NSF: variants seen among roughly 807,000 people sequenced by gnomAD.
The protein encoded by NSF is N-ethylmaleimide sensitive factor, vesicle fusing ATPase, also known as vesicle-fusing ATPase.
In NSF, 14 loss-of-function variants were observed where a neutral mutation model predicts 50.3. The observed-to-expected ratio is 0.28, with a 90% CI of 0.18 to 0.44. The LOEUF is 0.44. Among genes scored for constraint, NSF ranks in the 20% least tolerant of loss-of-function variants. NSF has a pLI of 1.00. For missense variants in NSF, 218 were observed against 504.3 expected (o/e 0.43, Z 5.44); for synonymous variants, 109 against 175.7 (o/e 0.62, Z 3.00).
Position 46,722,233 on chromosome 17 carries a change from C to G in NSF, c.1762-4316C>G, listed in dbSNP as rs2058838843. The G allele has an allele frequency of 8.7e-6, 11 of 1,268,570 alleles. No homozygotes were observed. In the South Asian group the frequency reaches 1.2e-4, roughly 14 times the overall value. 78.6% of individuals were successfully genotyped at this position (1,268,570 alleles called of 1,614,324 possible). The stretch of plus-strand genomic sequence containing the variant: ...AGACCCAAATCTCGCGAGAGCACGT[C>G]AAAATCCCTACATTCTTAAGATTAA... On this transcript the variant is annotated intron_variant, in intron 15 of 20. Transcript: ENST00000398238.
chr17:46,752,971 G>T (rs2059196319), intron 19 of NSF, among the ~76,000 whole-genome samples: 2 of 152,128 alleles, frequency 1.3e-5, no homozygotes, highest in South Asian at 4.1e-4. Context: ...GTTTCACCAT[G>T]TTGGCCAAGC....
chr17:46,725,155 C>G (rs2058874895), intron 15 of NSF, among the ~76,000 whole-genome samples: 1 of 152,006 alleles, frequency 6.6e-6, no homozygotes, highest in Non-Finnish European at 1.5e-5. Flanking sequence ...AATCCTGTGC[C>G]AAAGGAGAAG....
At chr17:46,666,060 A>G (rs920131100) in intron 8 of NSF, among the ~76,000 whole-genome samples, 2 of 150,518 alleles carry the variant, frequency 1.3e-5, no homozygotes, top group East Asian at 3.9e-4. Flanking sequence ...TGTGCTCCCC[A>G]AGAAAGGGCA....
At chr17:46,723,496 T>C (rs1013711888) in intron 15 of NSF, among the ~76,000 whole-genome samples, 6 of 152,226 alleles carry the variant, frequency 3.9e-5, no homozygotes, top group Admixed American at 1.3e-4. Flanking sequence ...GGAACCATCA[T>C]TGTGTATCAA....
intron 1 of NSF, among the ~76,000 whole-genome samples, chr17:46,601,795 C>T (rs907191841): frequency 6.6e-5 from 10 of 150,968 alleles, no homozygotes; most frequent in African/African-American, 1.2e-4. Context: ...TTTCATAGGG[C>T]GTACTTTCAT....
intron 17 of NSF, among the ~76,000 whole-genome samples, chr17:46,748,101 TTTTA>T (rs1326028627): frequency 2.0e-5 from 3 of 152,106 alleles, no homozygotes; most frequent in Non-Finnish European, 4.4e-5. Flanking sequence ...TTTCTAACCT[TTTTA>T]TTTATTTATT....
intron 17 of NSF, among the ~76,000 whole-genome samples, chr17:46,747,617 G>A (rs2059143779): frequency 6.6e-6 from 1 of 152,028 alleles, no homozygotes; most frequent in Admixed American, 6.5e-5. Context: ...TGCACAGGAT[G>A]CAATTAAAAA....
chr17:46,631,101 C>CACACACACAT (rs2058135255), intron 4 of NSF, among the ~76,000 whole-genome samples: 1 of 146,306 alleles, frequency 6.8e-6, no homozygotes, highest in Non-Finnish European at 1.5e-5. Flanking sequence ...CACACACACA[C>CACACACACAT]ACACATCTTT....
At chr17:46,722,272 C>A in intron 15 of NSF, 1 of 929,572 alleles carries the variant, frequency 1.1e-6, no homozygotes, top group Non-Finnish European at 1.7e-6. Context: ...TGGGGGGAGT[C>A]TGTAAGATAC....
At chr17:46,695,333 T>C (rs990635414) in intron 12 of NSF, among the ~76,000 whole-genome samples, 6 of 119,602 alleles carry the variant, frequency 5.0e-5, no homozygotes, top group Non-Finnish European at 1.0e-4. Context: ...TCAGCAAATA[T>C]ATTGAATAGT....
intron 17 of NSF, among the ~76,000 whole-genome samples, chr17:46,747,046 A>G (rs2059136669): frequency 6.6e-6 from 1 of 152,144 alleles, no homozygotes; most frequent in African/African-American, 2.4e-5. Flanking sequence ...ATGTACACAT[A>G]CTGACCTTTG....
chr17:46,607,991 CA>C (rs2057967370), intron 1 of NSF, among the ~76,000 whole-genome samples: 1 of 130,602 alleles, frequency 7.7e-6, no homozygotes, highest in African/African-American at 3.2e-5. Context: ...GGAGAAAGAC[CA>C]GAGTGGAAGA....
chr17:46,678,647 C>T (rs999858399), intron 9 of NSF, among the ~76,000 whole-genome samples: 1 of 93,478 alleles, frequency 1.1e-5, no homozygotes, highest in Non-Finnish European at 2.1e-5. Flanking sequence ...CCATAAATTG[C>T]AGAAATGATA....
chr17:46,744,255 A>G (rs1350674260), intron 17 of NSF, among the ~76,000 whole-genome samples: 2 of 152,224 alleles, frequency 1.3e-5, no homozygotes, highest in Non-Finnish European at 2.9e-5. Context: ...ATTATTGTTA[A>G]TGCTCCAATT....
chr17:46,721,125 C>T (rs1358961171), intron 15 of NSF, among the ~76,000 whole-genome samples: 2 of 152,204 alleles, frequency 1.3e-5, no homozygotes, highest in Non-Finnish European at 2.9e-5. Context: ...TCCTGTCCCT[C>T]AGTGCTCACG....
At chr17:46,635,552 C>T (rs2146160090) in intron 4 of NSF, among the ~76,000 whole-genome samples, 1 of 97,128 alleles carries the variant, frequency 1.0e-5, no homozygotes, top group East Asian at 2.1e-4. Context: ...AGACAGATAC[C>T]AGAATGAACT....
At chr17:46,754,838 C>T (rs776708805) in intron 19 of NSF, among the ~76,000 whole-genome samples, 1 of 152,232 alleles carries the variant, frequency 6.6e-6, no homozygotes, top group Non-Finnish European at 1.5e-5. Flanking sequence ...ATGACGGATA[C>T]TGAGGCTAAG....
chr17:46,728,994 T>A (rs1323013417), intron 17 of NSF, 60 bp downstream of exon 17: 5 of 1,031,850 alleles, frequency 4.8e-6, no homozygotes, highest in South Asian at 1.5e-5. Context: ...AAATCGCATA[T>A]AATGATACAA....
At position 46,756,076 on chromosome 17, in the gene NSF, T is replaced by C. The variant is rs2059230872; in HGVS notation, c.*253T>C. ...TTCCCATGCAGGCTAAAGTGATTCC[T>C]TCTTGCTCAGTCCCTCTGGGTGGGA... On this transcript the variant is annotated 3_prime_UTR_variant, in exon 21 of 21. Coordinates refer to ENST00000398238, the MANE Select transcript of NSF (RefSeq NM_006178.4). 1 of 452,928 alleles carries C rather than the reference T, an allele frequency of 2.2e-6. No individual in the cohort carries two copies. The highest frequency in any genetic ancestry group is 2.0e-5 in the African/African-American group (1 of 50,034). 28.1% of individuals were successfully genotyped at this position (452,928 alleles called of 1,614,324 possible). A position where few individuals can be genotyped will look rare whatever the true frequency, so the allele number is the denominator to read the frequency against.
Sources: allele counts gnomAD v4.1 joint callset (sites outside exome capture counted in the v4.1 genomes callset), GRCh38; gene constraint gnomAD v4.1.1; transcripts MANE v1.5; gene names NCBI Gene and HGNC (gene_info 2026-07-23, HGNC 2026-07-21).